Variants in CEP152 observed in about 807,000 individuals in gnomAD.
The protein encoded by CEP152 is centrosomal protein 152.
In CEP152, 132 loss-of-function variants were observed where a neutral mutation model predicts 188.9. The ratio of observed to expected loss-of-function variants is 0.70; its 90% confidence interval spans 0.61 to 0.81. The LOEUF (loss-of-function observed/expected upper bound fraction) is 0.81. CEP152 is among the 30% of genes least tolerant of loss of function. CEP152 has a pLI of 0.00. For missense variants in CEP152, 1,914 were observed against 1,969.8 expected, an observed-to-expected ratio of 0.97 and a Z score of 0.54; for synonymous variants, 649 against 666.6, an observed-to-expected ratio of 0.97 and a Z score of 0.41.
intron 8 of CEP152, among the ~76,000 whole-genome samples, chr15:48,790,438 T>C (rs903994026): frequency 6.6e-6 from 1 of 152,230 alleles, no homozygotes; most frequent in African/African-American, 2.4e-5. Flanking sequence ...AGGTAATTGT[T>C]TTTAGCTAAG....
chr15:48,796,700 T>C (rs1055543900), intron 5 of CEP152, among the ~76,000 whole-genome samples: 7 of 152,196 alleles, frequency 4.6e-5, no homozygotes, highest in Admixed American at 4.6e-4. Context: ...GACTAGCTGT[T>C]GAGGTATTTG....
At position 48,767,136 on chromosome 15, in the gene CEP152, T is replaced by C. The variant is rs199827040; in HGVS notation, c.2204A>G (p.Glu735Gly). 1.4e-5 allele frequency: 22 copies of C among 1,613,794 alleles called. No homozygotes were observed. The Admixed American group carries it at 2.3e-4, about 17-fold the overall frequency. The stretch of plus-strand genomic sequence containing the variant: ...TAGATTATCCTTCTCTCTGCACACT[T>C]CTAGGTAACATTCCTGCACAGCAGT... Reference protein sequence around the residue: ...EVTAVQECYLEVCREKDNLEL... With the variant: ...EVTAVQECYLGVCREKDNLEL... The change falls in exon 17 of 27, where the codon GAA (glutamate) becomes GGA (glycine). Residue 735 changes from glutamate to glycine, a missense_variant. Physicochemically the swap from Glu to Gly is moderately conservative, Grantham distance 98 (BLOSUM62 -2). Coordinates refer to ENST00000380950, the MANE Select transcript of CEP152 (RefSeq NM_001194998.2).
intron 6 of CEP152, among the ~76,000 whole-genome samples, chr15:48,795,511 T>A (rs935160790): frequency 1.3e-5 from 2 of 152,326 alleles, no homozygotes; most frequent in South Asian, 2.1e-4. Flanking sequence ...AAAAGTCTTT[T>A]AAAATTTTTT....
At chr15:48,789,245 G>A in intron 8 of CEP152, 3 of 537,716 alleles carry the variant, frequency 5.6e-6, no homozygotes, top group South Asian at 2.1e-5. Context: ...TACCTGAGGG[G>A]AGTGAAAGAG....
In CEP152 at chr15:48,768,314, A is replaced by G. The variant is rs997381865; in HGVS notation, c.1923T>C (p.Thr641=). 5.1e-6 allele frequency: 8 copies of G among 1,565,662 alleles called. No individual in the cohort carries two copies. In the African/African-American group the frequency reaches 6.8e-5, roughly 13 times the overall value. The change falls in exon 15 of 27, where the codon ACT becomes ACC. Residue 641 remains threonine, a synonymous_variant. Transcript: ENST00000380950. ...GATTTGTATTTCTCAGTTTTCCTTCAGTTTCTTTAAGTTCCTAGACACAAA... is the reference window on the plus strand; with the variant it reads ...GATTTGTATTTCTCAGTTTTCCTTCGGTTTCTTTAAGTTCCTAGACACAAA... ...LQQQNQELKE[T]EGKLRNTNQD... is the part of the protein sequence containing the mutation.
At chr15:48,770,021 C>T (rs1393706545) in intron 13 of CEP152, among the ~76,000 whole-genome samples, 1 of 152,246 alleles carries the variant, frequency 6.6e-6, no homozygotes, top group African/African-American at 2.4e-5. Flanking sequence ...TATATACCTT[C>T]ATTGTTCATT....
chr15:48,765,888 G>A (rs1256109548), intron 17 of CEP152, among the ~76,000 whole-genome samples: 1 of 151,812 alleles, frequency 6.6e-6, no homozygotes, highest in Non-Finnish European at 1.5e-5. Flanking sequence ...TCCTGACCTC[G>A]TGATCCGCCC....
At chr15:48,790,390 C>T (rs1896922742) in intron 8 of CEP152, among the ~76,000 whole-genome samples, 1 of 152,166 alleles carries the variant, frequency 6.6e-6, no homozygotes, top group Admixed American at 6.5e-5. Context: ...GAGCTATGGG[C>T]TACCTTACAT....
intron 6 of CEP152, among the ~76,000 whole-genome samples, chr15:48,795,377 GA>G (rs1897231434): frequency 6.6e-6 from 1 of 151,974 alleles, no homozygotes; most frequent in Admixed American, 6.6e-5. Flanking sequence ...AAAATCAAAA[GA>G]AAAAAGTTGA....
intron 2 of CEP152, 124 bp downstream of exon 2, chr15:48,805,438 GT>G (rs142872029): frequency 8.2e-4 from 983 of 1,197,074 alleles, no homozygotes; most frequent in Non-Finnish European, 8.7e-4. Flanking sequence ...TTTTAGGGTT[GT>G]TTTTTTTTTA....
chr15:48,748,667 TAAAA>T (rs34352957), intron 21 of CEP152, 57 bp from the exon 22 acceptor site: 274 of 1,068,446 alleles, frequency 2.6e-4, no homozygotes, highest in East Asian at 5.5e-4. Context: ...GAACTATCAT[TAAAA>T]AAAAAAAAAA....
rs74012141 is a variant in CEP152 at position 48,754,852 on chromosome 15, G to A, written c.3345+1051C>T. Among the ~76,000 whole-genome samples the A allele has an allele frequency of 5.4e-3, 818 of 152,112 alleles. 8 individuals are homozygous for A. The highest frequency in any genetic ancestry group is 0.019 in the African/African-American group (787 of 41,482). ...CCAATATAATAATCTAGTTATCATC[G>A]AATATGGAACTGAAACTCAAGGTTA... On this transcript the variant is annotated intron_variant, in intron 20 of 26. Coordinates refer to ENST00000380950, the MANE Select transcript of CEP152 (RefSeq NM_001194998.2).
chr15:48,745,124 C>A lies in CEP152; in HGVS notation c.3635-132G>T, dbSNP rs1193900319. 2.0e-4 allele frequency: 114 copies of A among 582,128 alleles called. 1 individual carries two copies. The South Asian group carries it at 2.9e-3, about 15-fold the overall frequency. 36.1% of individuals were successfully genotyped at this position (582,128 alleles called of 1,614,324 possible). On this transcript the variant is annotated intron_variant, in intron 22 of 26. Coordinates refer to ENST00000380950, the MANE Select transcript of CEP152 (RefSeq NM_001194998.2). ...AGTCGCTTTTCTGTAACGTTCATCC[C>A]CTTAGAAACCCTACTCAGACCATTC... is the stretch of plus-strand genomic sequence containing the variant.
chr15:48,773,704 G>T lies in CEP152; in HGVS notation c.1578-1013C>A, dbSNP rs114521957. Among the ~76,000 whole-genome samples the T allele has an allele frequency of 3.9e-3, 588 of 152,250 alleles. 6 individuals are homozygous for T. The highest frequency in any genetic ancestry group is 0.014 in the African/African-American group (579 of 41,544). ...CATCAAATAATACCTTAGTAGTGGG[G>T]CAAAATTAGCCCCAGATTAAAGCCT... On this transcript the variant is annotated intron_variant, in intron 12 of 26. Coordinates refer to ENST00000380950, the MANE Select transcript of CEP152 (RefSeq NM_001194998.2).
intron 9 of CEP152, among the ~76,000 whole-genome samples, chr15:48,785,086 G>A (rs1197478370): frequency 5.9e-5 from 9 of 152,142 alleles, no homozygotes; most frequent in Non-Finnish European, 1.3e-4. Context: ...GAAGAATACT[G>A]AGAAAGGGCT....
intron 22 of CEP152, 69 bp downstream of exon 22, chr15:48,748,374 T>C: frequency 7.0e-7 from 1 of 1,429,330 alleles, no homozygotes; most frequent in Non-Finnish European, 9.1e-7. Flanking sequence ...AACTAAAATG[T>C]CACATTTGAA....
intron 17 of CEP152, among the ~76,000 whole-genome samples, chr15:48,763,654 CAG>C (rs1342214654): frequency 6.6e-6 from 1 of 151,976 alleles, no homozygotes; most frequent in African/African-American, 2.4e-5. Flanking sequence ...AGCCTGGAGA[CAG>C]AGCGAGGCTC....
chr15:48,732,009 T>TTA, intron 2 of CEP152, among the ~76,000 whole-genome samples: 2 of 152,106 alleles, frequency 1.3e-5, no homozygotes, highest in Non-Finnish European at 2.9e-5. Flanking sequence ...TCATCTCACG[T>TTA]GATTATTAAA....
chr15:48,738,836 C>G lies in CEP152; in HGVS notation c.4546G>C (p.Glu1516Gln). 1 of 1,614,190 alleles carries G rather than the reference C, an allele frequency of 6.2e-7. No homozygotes were observed. The highest frequency in any genetic ancestry group is 8.5e-7 in the Non-Finnish European group (1 of 1,180,014). ...PSPRCTPGPS[E>Q]SGCMHITFRD... ...AAGGTTATATGCATGCATCCTGATT[C>G]AGAAGGACCAGGGGTACATCTAGGT... Residue 1516 changes from glutamate (E) to glutamine (Q), a missense_variant, in exon 27 of 27, where the codon GAA becomes CAA. Physicochemically the swap from Glu to Gln is conservative, Grantham distance 29. Coordinates refer to ENST00000380950, the MANE Select transcript of CEP152 (RefSeq NM_001194998.2).
Sources: gnomAD v4.1 joint callset for allele counts (sites outside exome capture counted in the v4.1 genomes callset) on GRCh38, gnomAD v4.1.1 for gene constraint, MANE v1.5 for transcripts, NCBI Gene and HGNC (gene_info 2026-07-23, HGNC 2026-07-21) for gene names.